The following COL6A1 variants were observed in gnomAD, a reference collection of about 807,000 sequenced individuals.
The protein encoded by COL6A1 is collagen alpha-1(VI) chain.
Under a neutral mutation model 145.6 loss-of-function variants are expected in COL6A1, and 80 were observed. That is an observed-to-expected ratio of 0.55 (90% CI 0.46 to 0.66). The LOEUF (loss-of-function observed/expected upper bound fraction) is 0.66. COL6A1 is among the 30% of genes least tolerant of loss of function. COL6A1 has a pLI of 0.00. For synonymous variants in COL6A1, 638 were observed against 622.8 expected, an observed-to-expected ratio of 1.02 and a Z score of -0.36; for missense variants, 1,364 against 1,473.8, an observed-to-expected ratio of 0.93 and a Z score of 1.22.
At chr21:45,983,894 G>C (rs983061703) in intron 2 of COL6A1, among the ~76,000 whole-genome samples, 8 of 152,184 alleles carry the variant, frequency 5.3e-5, no homozygotes, top group African/African-American at 1.2e-4. Context: ...GGCTGGGGCA[G>C]AGCAGACCCC....
chr21:45,994,066 C>A lies in COL6A1; in HGVS notation c.1336-101C>A. The A allele has an allele frequency of 8.1e-7, 1 of 1,229,814 alleles. No homozygotes were observed. The highest frequency in any genetic ancestry group is 1.2e-6 in the Non-Finnish European group (1 of 854,684). 76.2% of individuals were successfully genotyped at this position (1,229,814 alleles called of 1,614,324 possible). ...GCGGGGAGGGAAGGCCGGAACAGCC[C>A]AGTGACCACCTGGACAGCATGCTGT... is the stretch of plus-strand genomic sequence containing the variant. On this transcript the variant is annotated intron_variant, in intron 19 of 34. Transcript: ENST00000361866. The surrounding 1 kb of genome is among the most constrained non-coding windows in gnomAD (Gnocchi z 6.8).
chr21:45,989,710 C>T (rs1453247301), intron 10 of COL6A1, 42 bp from the exon 11 acceptor site: 1 of 1,613,144 alleles, frequency 6.2e-7, no homozygotes, highest in East Asian at 2.2e-5. Flanking sequence ...TTGCACAGCA[C>T]TAACAAGCCT....
intron 23 of COL6A1, 93 bp downstream of exon 23, chr21:45,998,264 G>T: frequency 1.3e-6 from 2 of 1,580,242 alleles, no homozygotes. Flanking sequence ...GGGCGGGCTG[G>T]CCCCAGGACC....
intron 30 of COL6A1, among the ~76,000 whole-genome samples, chr21:46,001,631 T>C (rs2077845969): frequency 6.6e-6 from 1 of 152,164 alleles, no homozygotes; most frequent in Non-Finnish European, 1.5e-5. Context: ...TGAAGGGCGG[T>C]AGTCTGGGGT....
intron 6 of COL6A1, 136 bp downstream of exon 6, chr21:45,987,311 G>C (rs978578673): frequency 6.7e-7 from 1 of 1,503,298 alleles, no homozygotes. Context: ...GTGTCTGCCC[G>C]TGTGCCCGGG....
At chr21:45,982,384 G>A (rs536777881) in intron 1 of COL6A1, among the ~76,000 whole-genome samples, 13 of 152,254 alleles carry the variant, frequency 8.5e-5, no homozygotes, top group African/African-American at 2.9e-4. Flanking sequence ...TGCCGGGGAC[G>A]CCCTGCCCTT....
At chr21:45,992,613 G>GGGCATGC in intron 18 of COL6A1, 135 bp from the exon 19 acceptor site, 4 of 1,058,150 alleles carry the variant, frequency 3.8e-6, no homozygotes, top group Non-Finnish European at 5.6e-6. Flanking sequence ...TGCAACCGTG[G>GGGCATGC]GGCATGCGGT....
chr21:45,984,819 C>G (rs4622818), intron 3 of COL6A1, among the ~76,000 whole-genome samples: 9 of 147,658 alleles, frequency 6.1e-5, no homozygotes, highest in Non-Finnish European at 1.2e-4. Context: ...GAGACAGAGA[C>G]GGGAACAGAG....
rs931681037 is a variant in COL6A1, at chr21:45,994,685, T to A, written c.1398+456T>A. 5.9e-5 allele frequency among the ~76,000 whole-genome samples: 9 copies of A among 152,126 alleles called. No individual in the cohort carries two copies. The highest frequency in any genetic ancestry group is 5.9e-4 in the Admixed American group (9 of 15,282). The stretch of plus-strand genomic sequence containing the variant: ...CAGGGTGTCAGGATGAAAATGCACT[T>A]TCATCTCATTCTAAATTCCCTTCTC... On this transcript the variant is annotated intron_variant, in intron 20 of 34. Transcript: ENST00000361866. The surrounding 1 kb of genome is among the most constrained non-coding windows in gnomAD (Gnocchi z 6.8).
rs779912173 is a variant in COL6A1 at position 45,989,775 on chromosome 21, G to A, written c.927G>A (p.Glu309=). ...AGGGAGAAAAAGGGAGCCGTGGGGA[G>A]AAGGTGAGTGAGGCTCGACCTCGGA... ...GMKGEKGSRG[E]KGSRGPKGYK... Residue 309 remains glutamate (E), a synonymous_variant, in exon 11 of 35, where the codon GAG becomes GAA. Transcript: ENST00000361866. The A allele has an allele frequency of 1.9e-6, 3 of 1,612,870 alleles. No homozygotes were observed. Among genetic ancestry groups the A allele is most frequent in the African/African-American group, 1.3e-5 (1 of 75,024 alleles).
At chr21:46,001,904 A>G in intron 30 of COL6A1, 57 bp from the exon 31 acceptor site, 1 of 1,491,514 alleles carries the variant, frequency 6.7e-7, no homozygotes. Context: ...CACCCTTGGG[A>G]AGCTTATGCG....
At position 45,986,554 on chromosome 21, in the gene COL6A1, C is replaced by G. The variant is rs867218507; in HGVS notation, c.457C>G (p.Leu153Val). 1.3e-6 allele frequency: 2 copies of G among 1,565,862 alleles called. No homozygotes were observed. The highest frequency in any genetic ancestry group is 2.4e-5 in the East Asian group (1 of 41,996). ...CTCCCACCTGAAGGAGAATAAGTACCTGATTGTGGTGACCGACGGGCACCC... is the reference window on the plus strand; with the variant it reads ...CTCCCACCTGAAGGAGAATAAGTACGTGATTGTGGTGACCGACGGGCACCC... ...GGSHLKENKYLIVVTDGHPLE... is the reference protein window; with the variant it reads ...GGSHLKENKYVIVVTDGHPLE... The change falls in exon 4 of 35, where the codon CTG (leucine) becomes GTG (valine). Residue 153 changes from leucine to valine, a missense_variant. Transcript: ENST00000361866.
chr21:45,983,633 A>G (rs2077720864), intron 2 of COL6A1, among the ~76,000 whole-genome samples: 1 of 145,632 alleles, frequency 6.9e-6, no homozygotes, highest in Admixed American at 6.8e-5. Flanking sequence ...CTTAGTGGAC[A>G]TGGCCAGGCC....
In COL6A1 at chr21:45,999,196, A is replaced by G. The variant is rs887316220; in HGVS notation, c.1718A>G (p.Tyr573Cys). 3.1e-6 allele frequency: 5 copies of G among 1,602,628 alleles called. No individual in the cohort carries two copies. In the Admixed American group the frequency reaches 8.6e-5, roughly 27 times the overall value. ...CGAGGAGTCAAAGGAGCAAAGGGGT[A>G]CCGGGGTCCCGAGGGCCCCCAGGTG... ...APRGVKGAKG[Y>C]RGPEGPQGPP... The change falls in exon 26 of 35, where the codon TAC becomes TGC. Residue 573 changes from tyrosine (Y) to cysteine (C), a missense_variant. By Grantham distance (194) the Tyr-to-Cys change is radical (BLOSUM62 -2). Coordinates refer to ENST00000361866, the MANE Select transcript of COL6A1 (RefSeq NM_001848.3).
rs948257955 is a variant in COL6A1 at position 45,994,017 on chromosome 21, T to C, written c.1336-150T>C. On this transcript the variant is annotated intron_variant, in intron 19 of 34. Coordinates refer to ENST00000361866, the MANE Select transcript of COL6A1 (RefSeq NM_001848.3). The surrounding 1 kb of genome is among the most constrained non-coding windows in gnomAD (Gnocchi z 6.8). ...CCACGCACGTGGGCCGAGGAAACGC[T>C]TGGCGAGGCCAGGAAGGGGCTGTGC... 6 of 821,500 alleles carry C rather than the reference T, an allele frequency of 7.3e-6. No homozygotes were observed. The African/African-American group carries it at 1.0e-4, about 14-fold the overall frequency. The allele number at this position is 821,500 out of a possible 1,614,324, so 50.9% of individuals were successfully genotyped here.
At chr21:45,990,644 G>T (rs1044882418) in intron 13 of COL6A1, 129 bp from the exon 14 acceptor site, 38 of 834,206 alleles carry the variant, frequency 4.6e-5, no homozygotes, top group Non-Finnish European at 7.4e-5. Flanking sequence ...GTGACCCCAG[G>T]GGGGTGTCTG....
At position 45,989,728 on chromosome 21, in the gene COL6A1, CCT is replaced by C. The variant is rs1444658035; in HGVS notation, c.904-21_904-20del. The C allele has an allele frequency of 8.7e-6, 14 of 1,613,106 alleles. No homozygotes were observed. The South Asian group carries it at 1.5e-4, about 18-fold the overall frequency. ...CACAGCACTAACAAGCCTTCCTCTTCCTCTTCTTCCGCTGGGTGTGTAGGGAG... is the reference window on the plus strand; with the variant it reads ...CACAGCACTAACAAGCCTTCCTCTTCCTTCTTCCGCTGGGTGTGTAGGGAG... On this transcript the variant is annotated intron_variant, in intron 10 of 34. Coordinates refer to ENST00000361866, the MANE Select transcript of COL6A1 (RefSeq NM_001848.3).
intron 22 of COL6A1, 105 bp downstream of exon 22, chr21:45,997,867 C>A: frequency 7.7e-7 from 1 of 1,290,614 alleles, no homozygotes; most frequent in Non-Finnish European, 1.1e-6. Flanking sequence ...CTGACCGGGC[C>A]GGGAGTGCCC....
rs552634753 is a variant in COL6A1, at chr21:45,999,207, G to A, written c.1729G>A (p.Glu577Lys). 1.1e-5 allele frequency: 18 copies of A among 1,599,694 alleles called. No homozygotes were observed. Among genetic ancestry groups the A allele is most frequent in the Admixed American group, 8.6e-5 (5 of 57,936 alleles). The change falls in exon 26 of 35, where the codon GAG (glutamate) becomes AAG (lysine). Residue 577 changes from glutamate (E) to lysine (K), a missense_variant. By Grantham distance (56) the Glu-to-Lys change is moderately conservative. Around this residue, in one of 3 missense-constraint regions of COL6A1, gnomAD observed 938 missense variants for 1,003.8 expected, o/e 0.93. Transcript: ENST00000361866. ...VKGAKGYRGP[E>K]GPQGPPGHQG... ...AGGAGCAAAGGGGTACCGGGGTCCCGAGGGCCCCCAGGTGGGTGGATGTGG... is the reference window on the plus strand; with the variant it reads ...AGGAGCAAAGGGGTACCGGGGTCCCAAGGGCCCCCAGGTGGGTGGATGTGG...
Sources: allele counts gnomAD v4.1 joint callset (sites outside exome capture counted in the v4.1 genomes callset), GRCh38; gene constraint gnomAD v4.1.1; regional missense constraint gnomAD v4.1.1; non-coding constraint Gnocchi (gnomAD v3.1); transcripts MANE v1.5; gene names NCBI Gene and HGNC (gene_info 2026-07-23, HGNC 2026-07-21).